Variants in RPL28 observed in about 807,000 individuals in gnomAD.
The protein encoded by RPL28 is ribosomal protein L28.
A neutral mutation model predicts 12.5 loss-of-function variants in RPL28; 4 were observed. That is an observed-to-expected ratio of 0.32 (90% confidence interval 0.16 to 0.73). RPL28 has a LOEUF of 0.73. RPL28 is among the 30% of genes least tolerant of loss of function. The pLI, the probability that RPL28 is intolerant of heterozygous loss-of-function variation, is 0.66. For missense variants in RPL28, 214 were observed against 197.7 expected, an observed-to-expected ratio of 1.08 and a Z score of -0.49; for synonymous variants, 91 against 72.5, an observed-to-expected ratio of 1.26 and a Z score of -1.30.
At chr19:55,402,987 G>C in exon 5 of RPL28, 1 of 1,534,960 alleles carries the variant, frequency 6.5e-7, no homozygotes, top group Non-Finnish European at 8.7e-7. Context: ...GCAGCCTGGA[G>C]CACCAGCCTA....
intron 3 of RPL28, chr19:55,386,956 A>G: frequency 2.1e-6 from 3 of 1,456,842 alleles, no homozygotes; most frequent in Non-Finnish European, 2.7e-6. Flanking sequence ...GAGTTAAGGC[A>G]CGGGGTTGAT....
At position 55,389,903 on chromosome 19, in the gene RPL28, T is replaced by C. The variant is rs2089974202; in HGVS notation, c.*1571T>C. ...TTCGTACCTGCTCAGGAGCCCCCAC[T>C]GTCCCAGTCCCACTCAGGCCCATCT... On this transcript the variant is annotated 3_prime_UTR_variant, in exon 5 of 5. Transcript: ENST00000344063. 3.0e-6 allele frequency: 3 copies of C among 985,526 alleles called. No homozygotes were observed. The highest frequency in any genetic ancestry group is 6.2e-5 in the Admixed American group (1 of 16,254). The allele number at this position is 985,526 out of a possible 1,614,324, so 61.0% of individuals were successfully genotyped here.
In RPL28 at chr19:55,391,538, C is replaced by T; in HGVS notation, c.*3206C>T. ...CAGCAGCAGAGACTCGGGACTGAGG[C>T]ATCCTCTGTTCACAGGACATGCTGG... On this transcript the variant is annotated 3_prime_UTR_variant, in exon 5 of 5. Coordinates refer to ENST00000344063, the MANE Select transcript of RPL28 (RefSeq NM_000991.5). The T allele has an allele frequency of 2.0e-6, 3 of 1,510,316 alleles. No homozygotes were observed. Among genetic ancestry groups the T allele is most frequent in the Non-Finnish European group, 2.7e-6 (3 of 1,117,398 alleles). 93.6% of individuals were successfully genotyped at this position (1,510,316 alleles called of 1,614,324 possible).
Position 55,390,358 on chromosome 19 carries a change from C to A in RPL28, c.*2026C>A. ...TAGCTGGGATTACAGGTGGGTGTCA[C>A]CACACCCAGCTCAGTATTGTATTTT... On this transcript the variant is annotated 3_prime_UTR_variant, in exon 5 of 5. Coordinates refer to ENST00000344063, the MANE Select transcript of RPL28 (RefSeq NM_000991.5). 1 of 721,046 alleles carries A rather than the reference C, an allele frequency of 1.4e-6. No individual in the cohort carries two copies. The highest frequency in any genetic ancestry group is 1.7e-6 in the Non-Finnish European group (1 of 588,788). 44.7% of individuals were successfully genotyped at this position (721,046 alleles called of 1,614,324 possible). A position where few individuals can be genotyped will look rare whatever the true frequency, so the allele number is the denominator to read the frequency against.
chr19:55,392,902 A>G (rs943213434), downstream of RPL28, among the ~76,000 whole-genome samples: 1 of 152,014 alleles, frequency 6.6e-6, no homozygotes, highest in African/African-American at 2.4e-5. Flanking sequence ...CCTTTTCCCT[A>G]ATGCACTGGG....
Position 55,391,074 on chromosome 19 carries a change from C to T in RPL28, c.*2742C>T. 1 of 551,368 alleles carries T rather than the reference C, an allele frequency of 1.8e-6. No homozygotes were observed. Among genetic ancestry groups the T allele is most frequent in the Non-Finnish European group, 2.3e-6 (1 of 432,942 alleles). The allele number at this position is 551,368 out of a possible 1,614,324, so 34.2% of individuals were successfully genotyped here. A position where few individuals can be genotyped will look rare whatever the true frequency, so the allele number is the denominator to read the frequency against. ...CAAAAGAAAAGCGTCTTGTCACATA[C>T]AGAAGGTCCCTGATAAAGTTAGTAG... On this transcript the variant is annotated 3_prime_UTR_variant, in exon 5 of 5. Coordinates refer to ENST00000344063, the MANE Select transcript of RPL28 (RefSeq NM_000991.5).
chr19:55,395,468 GTC>G (rs1296296623), downstream of RPL28, among the ~76,000 whole-genome samples: 3 of 133,084 alleles, frequency 2.3e-5, no homozygotes, highest in Non-Finnish European at 3.1e-5. Flanking sequence ...TTGAGACAGA[GTC>G]TCTTGCACTC....
chr19:55,386,244 C>T (rs900604228), intron 1 of RPL28, 106 bp from the exon 2 acceptor site: 20 of 1,051,488 alleles, frequency 1.9e-5, no homozygotes, highest in Non-Finnish European at 2.7e-5. Context: ...CCCATTCACC[C>T]AAGTTCCCAG....
Position 55,389,785 on chromosome 19 carries a change from CTG to C in RPL28, c.*1454_*1455del, listed in dbSNP as rs1738900475. 2 of 985,392 alleles carry C rather than the reference CTG, an allele frequency of 2.0e-6. No homozygotes were observed. The highest frequency in any genetic ancestry group is 3.5e-5 in the African/African-American group (2 of 57,218). 61.0% of individuals were successfully genotyped at this position (985,392 alleles called of 1,614,324 possible). On this transcript the variant is annotated 3_prime_UTR_variant, in exon 5 of 5. Coordinates refer to ENST00000344063, the MANE Select transcript of RPL28 (RefSeq NM_000991.5). The stretch of plus-strand genomic sequence containing the variant: ...CAGATTGAGAGGTGTTGCCTTAAAA[CTG>C]AGTTGGGTGACTTGGTACCTGCTCA...
intron 4 of RPL28, among the ~76,000 whole-genome samples, chr19:55,399,426 CA>C (rs1291865269): frequency 6.6e-6 from 1 of 152,210 alleles, no homozygotes; most frequent in Non-Finnish European, 1.5e-5. Context: ...CTTGGCCTCC[CA>C]AAGTGCTAGG....
chr19:55,395,588 C>T (rs983590881), downstream of RPL28, among the ~76,000 whole-genome samples: 59 of 151,972 alleles, frequency 3.9e-4, no homozygotes, highest in Admixed American at 1.0e-3. Context: ...GGACTACAGG[C>T]GCCCACCACC....
chr19:55,388,180 T>C (rs2089953801), intron 4 of RPL28, 63 bp from the exon 5 acceptor site: 3 of 1,530,024 alleles, frequency 2.0e-6, no homozygotes, highest in East Asian at 4.7e-5. Flanking sequence ...ACACCCAGCA[T>C]TGGCCTAGGG....
At chr19:55,387,468 C>T (rs188127087) in intron 3 of RPL28, 97 of 1,479,222 alleles carry the variant, frequency 6.6e-5, no homozygotes, top group Admixed American at 2.4e-4. Context: ...AAGCTTTCAC[C>T]TCTTGGATTG....
chr19:55,401,545 C>A lies in RPL28; in HGVS notation c.325-1398C>A, dbSNP rs762051776. 13 of 1,610,428 alleles carry A rather than the reference C, an allele frequency of 8.1e-6. No individual in the cohort carries two copies. Among genetic ancestry groups the A allele is most frequent in the Admixed American group, 3.3e-5 (2 of 59,896 alleles). On this transcript the variant is annotated intron_variant, in intron 4 of 4. Transcript: ENST00000560055. Reference sequence around the variant, plus strand: ...CATGGGACCCTCAGCCCCTCCCGGGCCCCCTGGGGCCCCAGGGTCGGTGGA... The same window carrying A: ...CATGGGACCCTCAGCCCCTCCCGGGACCCCTGGGGCCCCAGGGTCGGTGGA...
In RPL28 at chr19:55,391,452, G is replaced by GCAC; in HGVS notation, c.*3122_*3124dup. ...GCTGCATGGTGAGTGAGCGTAGGGC[G>GCAC]CACCCTGGAAGGCTGCCAAGCCCAA... On this transcript the variant is annotated 3_prime_UTR_variant, in exon 5 of 5. Coordinates refer to ENST00000344063, the MANE Select transcript of RPL28 (RefSeq NM_000991.5). 1 of 1,350,308 alleles carries GCAC rather than the reference G, an allele frequency of 7.4e-7. No individual in the cohort carries two copies. The highest frequency in any genetic ancestry group is 9.6e-7 in the Non-Finnish European group (1 of 1,042,770). The allele number at this position is 1,350,308 out of a possible 1,614,324, so 83.6% of individuals were successfully genotyped here.
downstream of RPL28, among the ~76,000 whole-genome samples, chr19:55,393,421 C>CA (rs1569044348): frequency 6.6e-6 from 1 of 151,354 alleles, no homozygotes; most frequent in South Asian, 2.1e-4. Context: ...AGACTGTCTC[C>CA]AAAAAAAGAA....
intron 4 of RPL28, among the ~76,000 whole-genome samples, chr19:55,397,939 T>C (rs1379980500): frequency 6.6e-6 from 1 of 152,016 alleles, no homozygotes; most frequent in Non-Finnish European, 1.5e-5. Flanking sequence ...CTCATGCCTG[T>C]AATCCCAGCA....
chr19:55,396,815 T>C (rs60678388), downstream of RPL28, among the ~76,000 whole-genome samples: 3,243 of 150,926 alleles, frequency 0.021, 117 homozygotes, highest in African/African-American at 0.074. Flanking sequence ...CTCCTGACCT[T>C]GTGATCCGCC....
At chr19:55,396,250 A>G (rs1484492405), downstream of RPL28, among the ~76,000 whole-genome samples, 1 of 151,762 alleles carries the variant, frequency 6.6e-6, no homozygotes, top group African/African-American at 2.4e-5. Flanking sequence ...CAGCCTGAAC[A>G]ACAAGAATGT....
Sources: allele counts gnomAD v4.1 joint callset (sites outside exome capture counted in the v4.1 genomes callset), GRCh38; gene constraint gnomAD v4.1.1; transcripts MANE v1.5; gene names NCBI Gene and HGNC (gene_info 2026-07-23, HGNC 2026-07-21).